IKBIP: variants seen among roughly 807,000 people sequenced by gnomAD.
The protein encoded by IKBIP is inhibitor of nuclear factor kappa-B kinase-interacting protein.
In IKBIP, 28 loss-of-function variants were observed where a neutral mutation model predicts 31.0. The observed-to-expected ratio is 0.90, with a 90% CI of 0.67 to 1.24. The LOEUF is 1.24. IKBIP is among the 50% of genes most tolerant of loss of function. The pLI is 0.00. For missense variants in IKBIP, 453 were observed against 441.9 expected (o/e 1.03, Z -0.23); for synonymous variants, 164 against 160.3 (o/e 1.02, Z -0.17).
chr12:98,632,423 C>T (rs2097621086), intron 2 of IKBIP, among the ~76,000 whole-genome samples: 1 of 131,250 alleles, frequency 7.6e-6, no homozygotes, highest in African/African-American at 2.9e-5. Flanking sequence ...GTTATTCCAA[C>T]ACTGCACTCC....
At chr12:98,631,791 C>CAA (rs750178337) in intron 2 of IKBIP, among the ~76,000 whole-genome samples, 1 of 81,788 alleles carries the variant, frequency 1.2e-5, no homozygotes, top group African/African-American at 4.2e-5. Flanking sequence ...ACCTCCCCCA[C>CAA]AAAAAAAAAA....
At chr12:98,634,860 C>T (rs1226168021) in intron 1 of IKBIP, among the ~76,000 whole-genome samples, 3 of 151,916 alleles carry the variant, frequency 2.0e-5, no homozygotes, top group Non-Finnish European at 4.4e-5. Flanking sequence ...CAGGCGCCTG[C>T]CACCACGCCT....
chr12:98,631,356 C>T (rs1055269080), intron 2 of IKBIP, among the ~76,000 whole-genome samples: 4 of 151,864 alleles, frequency 2.6e-5, no homozygotes, highest in African/African-American at 9.7e-5. Flanking sequence ...TCTCGGCTCA[C>T]TGTGACCTCT....
At chr12:98,637,401 T>A (rs2097626703) in intron 1 of IKBIP, among the ~76,000 whole-genome samples, 1 of 150,906 alleles carries the variant, frequency 6.6e-6, no homozygotes, top group African/African-American at 2.4e-5. Flanking sequence ...AGAAGATGAT[T>A]GATTTTTCTT....
downstream of IKBIP, among the ~76,000 whole-genome samples, chr12:98,622,075 A>C (rs1592989939): frequency 2.0e-5 from 1 of 48,886 alleles, no homozygotes; most frequent in African/African-American, 1.4e-4. Context: ...ACTCCATCTT[A>C]AAAAAAAAAA....
intron 2 of IKBIP, among the ~76,000 whole-genome samples, chr12:98,627,394 C>T (rs2097615567): frequency 6.6e-6 from 1 of 151,336 alleles, no homozygotes; most frequent in East Asian, 1.9e-4. Context: ...CAATTTCCTC[C>T]TTTTAACTCT....
chr12:98,617,681 C>A (rs988799322), intron 2 of IKBIP, among the ~76,000 whole-genome samples: 9 of 152,050 alleles, frequency 5.9e-5, no homozygotes, highest in African/African-American at 2.2e-4. Context: ...TAGCTTCAAT[C>A]AGAAGATTAG....
At chr12:98,620,035 C>T (rs1387755593), downstream of IKBIP, among the ~76,000 whole-genome samples, 1 of 150,952 alleles carries the variant, frequency 6.6e-6, no homozygotes, top group Non-Finnish European at 1.5e-5. Flanking sequence ...TCTCCGGCCT[C>T]AGCCTCCCAA....
intron 1 of IKBIP, among the ~76,000 whole-genome samples, chr12:98,642,869 G>T (rs1490477426): frequency 6.6e-6 from 1 of 152,078 alleles, no homozygotes; most frequent in South Asian, 2.1e-4. Flanking sequence ...AAAGTGCTGG[G>T]AGTACAGGCA....
chr12:98,613,714 C>A, exon 3 of IKBIP: 1 of 1,612,172 alleles, frequency 6.2e-7, no homozygotes, highest in Admixed American at 1.7e-5. Flanking sequence ...AGTCGGTAAC[C>A]AATCTCCCAA....
At chr12:98,624,161 G>A (rs2097612211), downstream of IKBIP, 1 of 474,326 alleles carries the variant, frequency 2.1e-6, no homozygotes, top group Non-Finnish European at 2.7e-6. Flanking sequence ...GGTGATCGGT[G>A]AGAAAAAAAT....
Position 98,626,622 on chromosome 12 carries a change from G to A in IKBIP, c.442C>T (p.Leu148Phe). 1 of 1,613,746 alleles carries A rather than the reference G, an allele frequency of 6.2e-7. No individual in the cohort carries two copies. The highest frequency in any genetic ancestry group is 8.5e-7 in the Non-Finnish European group (1 of 1,180,022). ...GTAATATTCTGAAATTTCTCATTAA[G>A]GCTTTGCATCCTTTGAGTGAGCACC... ...EEVLTQRMQSLNEKFQNITDF... is the reference protein window; with the variant it reads ...EEVLTQRMQSFNEKFQNITDF... The change falls in exon 3 of 3, where the codon CTT becomes TTT. Residue 148 changes from leucine to phenylalanine, a missense_variant. Leu to Phe is a conservative substitution (Grantham distance 22). Transcript: ENST00000299157.
downstream of IKBIP, among the ~76,000 whole-genome samples, chr12:98,622,114 A>G (rs946392475): frequency 9.3e-5 from 14 of 151,024 alleles, no homozygotes; most frequent in African/African-American, 2.7e-4. Flanking sequence ...ATGAATGTAC[A>G]TCTCCTAGAA....
chr12:98,629,446 C>CTACT (rs1157589630), intron 2 of IKBIP, among the ~76,000 whole-genome samples: 1 of 152,070 alleles, frequency 6.6e-6, no homozygotes, highest in African/African-American at 2.4e-5. Flanking sequence ...GTAGTCCCAG[C>CTACT]TACTTGGGAG....
intron 2 of IKBIP, among the ~76,000 whole-genome samples, chr12:98,627,429 TTTTC>T (rs908278606): frequency 1.9e-4 from 25 of 130,376 alleles, no homozygotes; most frequent in Admixed American, 6.5e-4. Context: ...TTGATGTCAG[TTTTC>T]TTTTTCTTTT....
At chr12:98,626,863 T>C (rs894341630) in intron 2 of IKBIP, 97 bp from the exon 3 acceptor site, 2 of 896,452 alleles carry the variant, frequency 2.2e-6, no homozygotes, top group African/African-American at 3.3e-5. Context: ...CATGCCACGT[T>C]AAAATTCTGA....
At chr12:98,613,707 C>T (rs554996429) in exon 3 of IKBIP, 27 of 1,611,766 alleles carry the variant, frequency 1.7e-5, no homozygotes, top group East Asian at 1.3e-4. Context: ...TGTAGTAAGT[C>T]GGTAACCAAT....
chr12:98,643,220 G>C (rs2097632274), intron 1 of IKBIP, among the ~76,000 whole-genome samples: 1 of 152,102 alleles, frequency 6.6e-6, no homozygotes, highest in Non-Finnish European at 1.5e-5. Context: ...CAAAGTGCTG[G>C]GATTACAGGT....
chr12:98,636,248 G>A lies in IKBIP; in HGVS notation c.180-1835C>T, dbSNP rs2097625658. ...CAGCTTTAACAAATCTGATGCCTGG[G>A]TCTCACAAAGATTCTGATTTAATTG... On this transcript the variant is annotated intron_variant, in intron 1 of 2. Transcript: ENST00000299157. 2.6e-5 allele frequency among the ~76,000 whole-genome samples: 4 copies of A among 152,182 alleles called. No homozygotes were observed. The South Asian group carries it at 8.3e-4, about 31-fold the overall frequency.
Sources: gnomAD v4.1 joint callset for allele counts (sites outside exome capture counted in the v4.1 genomes callset) on GRCh38, gnomAD v4.1.1 for gene constraint, MANE v1.5 for transcripts, NCBI Gene and HGNC (gene_info 2026-07-23, HGNC 2026-07-21) for gene names.